The following NOL10 variants were observed in gnomAD, a reference collection of about 807,000 sequenced individuals.
The protein encoded by NOL10 is nucleolar protein 10.
In NOL10, 58 loss-of-function variants were observed where a neutral mutation model predicts 103.5. That is an observed-to-expected ratio of 0.56 (90% confidence interval 0.45 to 0.70). The LOEUF is 0.70. NOL10 is among the 30% of genes least tolerant of loss of function. The probability of loss-of-function intolerance (pLI) is 0.00; values close to 1 mark genes in which losing one functional copy is unlikely to be tolerated. For synonymous variants in NOL10, 287 were observed against 282.5 expected, an observed-to-expected ratio of 1.02 and a Z score of -0.16; for missense variants, 763 against 807.3, an observed-to-expected ratio of 0.95 and a Z score of 0.67.
At chr2:10,656,702 C>T (rs796601468) in intron 11 of NOL10, among the ~76,000 whole-genome samples, 20 of 152,326 alleles carry the variant, frequency 1.3e-4, no homozygotes, top group African/African-American at 4.6e-4. Context: ...CGGGCACTTG[C>T]GCTTAGGCAC....
intron 2 of NOL10, among the ~76,000 whole-genome samples, chr2:10,683,946 C>T (rs958088898): frequency 8.5e-5 from 13 of 152,096 alleles, no homozygotes; most frequent in African/African-American, 2.9e-4. Flanking sequence ...ATCCCATACC[C>T]ACCAGGAACA....
chr2:10,624,759 T>C (rs973454543), intron 13 of NOL10, among the ~76,000 whole-genome samples: 9 of 151,892 alleles, frequency 5.9e-5, no homozygotes, highest in African/African-American at 9.6e-5. Flanking sequence ...GACATAGCAA[T>C]TGGGTTCCTT....
chr2:10,688,834 A>G (rs760578369), intron 1 of NOL10, among the ~76,000 whole-genome samples: 62 of 152,256 alleles, frequency 4.1e-4, no homozygotes, highest in Non-Finnish European at 6.3e-4. Flanking sequence ...TGTGAAGAAC[A>G]ACTGGAAGAC....
intron 13 of NOL10, among the ~76,000 whole-genome samples, chr2:10,643,941 A>C (rs1176073695): frequency 6.6e-6 from 1 of 152,192 alleles, no homozygotes; most frequent in Admixed American, 6.5e-5. Context: ...CAGGTTCCTC[A>C]ATACATCCAA....
chr2:10,682,616 T>C (rs1681858743), intron 2 of NOL10, among the ~76,000 whole-genome samples: 1 of 151,912 alleles, frequency 6.6e-6, no homozygotes, highest in South Asian at 2.1e-4. Flanking sequence ...CCCAGGCTGG[T>C]CTCAAACTTC....
intron 19 of NOL10, among the ~76,000 whole-genome samples, chr2:10,581,129 A>C (rs557545468): frequency 6.6e-6 from 1 of 152,356 alleles, no homozygotes; most frequent in East Asian, 1.9e-4. Flanking sequence ...AACTCAGGCA[A>C]CCACGAAATC....
At chr2:10,616,467 G>A (rs145969096) in intron 13 of NOL10, among the ~76,000 whole-genome samples, 4,241 of 152,064 alleles carry the variant, frequency 0.028, 114 homozygotes, top group African/African-American at 0.061. Context: ...TGATCCGCCC[G>A]CCTTGGCCTC....
At chr2:10,627,486 T>C (rs1480300642) in intron 13 of NOL10, among the ~76,000 whole-genome samples, 2 of 151,986 alleles carry the variant, frequency 1.3e-5, no homozygotes, top group African/African-American at 4.8e-5. Context: ...CTATCTTGGC[T>C]AACACAGTGA....
At chr2:10,672,554 T>C (rs1289772592) in intron 5 of NOL10, among the ~76,000 whole-genome samples, 6 of 152,168 alleles carry the variant, frequency 3.9e-5, no homozygotes, top group Non-Finnish European at 5.9e-5. Context: ...CTGTACCCCA[T>C]AGTTTCCAAA....
At chr2:10,593,231 C>T (rs1329367421) in intron 17 of NOL10, among the ~76,000 whole-genome samples, 1 of 150,842 alleles carries the variant, frequency 6.6e-6, no homozygotes, top group African/African-American at 2.4e-5. Context: ...CTCTGCCTCC[C>T]GGGTTCAAGC....
At chr2:10,686,833 G>A (rs1171471423) in intron 1 of NOL10, among the ~76,000 whole-genome samples, 1 of 142,454 alleles carries the variant, frequency 7.0e-6, no homozygotes, top group East Asian at 2.0e-4. Flanking sequence ...AGACCACTAG[G>A]TTGCAGGAGG....
At chr2:10,589,333 A>AC in intron 18 of NOL10, 43 bp from the exon 19 acceptor site, 1 of 1,605,926 alleles carries the variant, frequency 6.2e-7, no homozygotes, top group Non-Finnish European at 8.5e-7. Flanking sequence ...TCCCCCAGTC[A>AC]AACACAGACC....
intron 19 of NOL10, among the ~76,000 whole-genome samples, chr2:10,584,402 G>A (rs1363089942): frequency 6.6e-6 from 1 of 152,152 alleles, no homozygotes; most frequent in Non-Finnish European, 1.5e-5. Context: ...AAAAATATGT[G>A]TCAACAGACA....
chr2:10,654,460 C>A, intron 12 of NOL10, 21 bp downstream of exon 12: 1 of 1,509,328 alleles, frequency 6.6e-7, no homozygotes, highest in Non-Finnish European at 9.0e-7. Context: ...TCTCACTGAA[C>A]GTTCACTACA....
intron 8 of NOL10, among the ~76,000 whole-genome samples, chr2:10,665,760 C>A (rs1224712970): frequency 6.6e-6 from 1 of 152,194 alleles, no homozygotes; most frequent in Non-Finnish European, 1.5e-5. Context: ...TCTCAAGTAA[C>A]CTGACTACCA....
intron 13 of NOL10, among the ~76,000 whole-genome samples, chr2:10,616,603 C>T (rs554342300): frequency 6.6e-6 from 1 of 151,800 alleles, no homozygotes; most frequent in South Asian, 2.1e-4. Flanking sequence ...GACTAGAGTG[C>T]AGTGGTGCGA....
chr2:10,582,598 C>T (rs1430769024), intron 19 of NOL10, among the ~76,000 whole-genome samples: 3 of 152,138 alleles, frequency 2.0e-5, no homozygotes, highest in Admixed American at 2.0e-4. Context: ...CATGGCCTTC[C>T]CAATCTTTCT....
chr2:10,684,815 T>C (rs1171427334), intron 1 of NOL10, among the ~76,000 whole-genome samples: 1 of 152,228 alleles, frequency 6.6e-6, no homozygotes, highest in Non-Finnish European at 1.5e-5. Context: ...TATACTTACA[T>C]ACATTAGATA....
At chr2:10,671,523 G>A in intron 6 of NOL10, 31 bp downstream of exon 6, 1 of 1,486,136 alleles carries the variant, frequency 6.7e-7, no homozygotes. Flanking sequence ...TTTAGGAGGT[G>A]AAAAGGAGAA....
Sources: allele counts gnomAD v4.1 joint callset (sites outside exome capture counted in the v4.1 genomes callset), GRCh38; gene constraint gnomAD v4.1.1; transcripts MANE v1.5; gene names NCBI Gene and HGNC (gene_info 2026-07-23, HGNC 2026-07-21).